The following PMM2 variants were observed in gnomAD, a reference collection of about 807,000 sequenced individuals.
PMM2 encodes mannose-6-phosphate isomerase.
Under a neutral mutation model 33.2 loss-of-function variants are expected in PMM2, and 35 were observed. The ratio of observed to expected loss-of-function variants is 1.06; its 90% CI spans 0.81 to 1.40. PMM2 has a LOEUF of 1.40. PMM2 is among the 40% of genes most tolerant of loss of function. The pLI is 0.00. For missense variants in PMM2, 386 were observed against 306.0 expected (o/e 1.26, Z -1.95); for synonymous variants, 153 against 114.7 (o/e 1.33, Z -2.13).
At position 8,805,750 on chromosome 16, in the gene PMM2, C is replaced by T. The variant is rs552862901; in HGVS notation, c.256-566C>T. On this transcript the variant is annotated intron_variant, in intron 3 of 7. Coordinates refer to ENST00000268261, the MANE Select transcript of PMM2 (RefSeq NM_000303.3). ...GATTACAGGCATCCACCAGCATGCCCGGCTCATTTTTGTATTTTTAGTAGA... is the reference window on the plus strand; with the variant it reads ...GATTACAGGCATCCACCAGCATGCCTGGCTCATTTTTGTATTTTTAGTAGA... Among the ~76,000 whole-genome samples, 30 of 152,098 alleles carry T rather than the reference C, an allele frequency of 2.0e-4. No individual in the cohort carries two copies. In the South Asian group the frequency reaches 5.0e-3, roughly 25 times the overall value.
chr16:8,834,503 T>C, intron 7 of PMM2, among the ~76,000 whole-genome samples: 1 of 151,870 alleles, frequency 6.6e-6, no homozygotes, highest in Non-Finnish European at 1.5e-5. Flanking sequence ...TAAGAGGTAT[T>C]TTAGTTACCT....
At chr16:8,846,866 A>T (rs1158325828) in intron 7 of PMM2, among the ~76,000 whole-genome samples, 1 of 151,960 alleles carries the variant, frequency 6.6e-6, no homozygotes, top group Admixed American at 6.6e-5. Flanking sequence ...ATGTGGGGCC[A>T]TTTATTTATT....
chr16:8,810,735 C>G, intron 4 of PMM2: 1 of 362,558 alleles, frequency 2.8e-6, no homozygotes, highest in South Asian at 2.2e-5. Context: ...CATAACCATG[C>G]CAGGCTATTT....
chr16:8,831,513 G>T (rs1567165916), intron 7 of PMM2, among the ~76,000 whole-genome samples: 1 of 152,148 alleles, frequency 6.6e-6, no homozygotes, highest in Admixed American at 6.5e-5. Flanking sequence ...CTCCAGCCTG[G>T]GCAAGAGTGG....
chr16:8,825,916 C>T (rs150158122), intron 7 of PMM2, among the ~76,000 whole-genome samples: 49 of 151,904 alleles, frequency 3.2e-4, no homozygotes, highest in East Asian at 3.1e-3. Context: ...CCACCACGCC[C>T]GGCTAATTTT....
chr16:8,812,291 C>T (rs746890767), intron 6 of PMM2, among the ~76,000 whole-genome samples: 1 of 152,222 alleles, frequency 6.6e-6, no homozygotes, highest in South Asian at 2.1e-4. Context: ...TCCTGCAGCA[C>T]GGACATCTCA....
At chr16:8,820,467 C>T (rs2060732164) in intron 7 of PMM2, among the ~76,000 whole-genome samples, 1 of 151,622 alleles carries the variant, frequency 6.6e-6, no homozygotes, top group East Asian at 1.9e-4. Flanking sequence ...GATCCTCCCA[C>T]TTCAGCCTCC....
chr16:8,812,832 A>G (rs2060684926), intron 6 of PMM2, among the ~76,000 whole-genome samples, 159 bp from the exon 7 acceptor site: 1 of 152,282 alleles, frequency 6.6e-6, no homozygotes, highest in African/African-American at 2.4e-5. Flanking sequence ...ATTAATTTCT[A>G]GAACCTATGC....
At chr16:8,827,748 A>ATATATATATGCACACATT (rs1555451066) in intron 7 of PMM2, among the ~76,000 whole-genome samples, 11 of 48,936 alleles carry the variant, frequency 2.2e-4, no homozygotes, top group African/African-American at 7.5e-4. Context: ...ATATATATAT[A>ATATATATATGCACACATT]TATATATATA....
chr16:8,829,192 G>C (rs2060795698), intron 7 of PMM2: 1 of 152,152 alleles, frequency 6.6e-6, no homozygotes, highest in South Asian at 2.1e-4. Context: ...CTATTAATCA[G>C]ACCCTTGCAG....
intron 7 of PMM2, among the ~76,000 whole-genome samples, chr16:8,839,184 A>G (rs550430956): frequency 6.6e-6 from 1 of 152,168 alleles, no homozygotes; most frequent in South Asian, 2.1e-4. Flanking sequence ...TGAGGGGAAC[A>G]GGGAGCTCTT....
chr16:8,802,984 A>T (rs923602445), intron 2 of PMM2, among the ~76,000 whole-genome samples: 1 of 152,146 alleles, frequency 6.6e-6, no homozygotes, highest in Non-Finnish European at 1.5e-5. Flanking sequence ...TTAGTTCTCC[A>T]TTATGAAGGC....
At chr16:8,822,257 T>C (rs1305637602) in intron 7 of PMM2, among the ~76,000 whole-genome samples, 1 of 152,188 alleles carries the variant, frequency 6.6e-6, no homozygotes, top group African/African-American at 2.4e-5. Context: ...TTGAGCCAGA[T>C]TACCTGTCTG....
At chr16:8,842,044 A>G (rs1006997877) in intron 7 of PMM2, among the ~76,000 whole-genome samples, 7 of 150,406 alleles carry the variant, frequency 4.7e-5, no homozygotes, top group African/African-American at 1.5e-4. Context: ...CTAAAACAGT[A>G]AGGTCAAGTT....
rs35148703 is a variant in PMM2 at position 8,800,665 on chromosome 16, C to CT, written c.67-1118dup. 4.7e-3 allele frequency among the ~76,000 whole-genome samples: 591 copies of CT among 126,656 alleles called. 7 individuals carry two copies. The highest frequency in any genetic ancestry group is 0.015 in the African/African-American group (536 of 35,482). The allele number at this position is 126,656 out of a possible 152,430, so 83.1% of individuals were successfully genotyped here. A position where few individuals can be genotyped will look rare whatever the true frequency, so the allele number is the denominator to read the frequency against. On this transcript the variant is annotated intron_variant, in intron 1 of 7. Coordinates refer to ENST00000268261, the MANE Select transcript of PMM2 (RefSeq NM_000303.3). ...CAATAAAATCAATTCTAAGCTTCTC[C>CT]TTTTTTTTTTTTTTTTGTTTTGTTT...
intron 7 of PMM2, among the ~76,000 whole-genome samples, chr16:8,847,409 A>G (rs60516719): frequency 4.2e-4 from 64 of 151,180 alleles, no homozygotes; most frequent in African/African-American, 1.6e-3. Flanking sequence ...GGCTGTGAGA[A>G]TACTGTCACT....
rs561831227 is a variant in PMM2 at position 8,826,164 on chromosome 16, C to T, written c.639+13058C>T. Among the ~76,000 whole-genome samples, 14 of 152,286 alleles carry T rather than the reference C, an allele frequency of 9.2e-5. No individual in the cohort carries two copies. The South Asian group carries it at 2.9e-3, about 32-fold the overall frequency. ...ATAATACCCTTTCGATTTTAGCCAGCTTGCTCACACACAGAGTTGTTCACA... is the reference window on the plus strand; with the variant it reads ...ATAATACCCTTTCGATTTTAGCCAGTTTGCTCACACACAGAGTTGTTCACA... On this transcript the variant is annotated intron_variant, in intron 7 of 7. Transcript: ENST00000268261.
At chr16:8,799,821 C>CTCCCAAAGTGCTGGGTG (rs2060602648) in intron 1 of PMM2, among the ~76,000 whole-genome samples, 1 of 152,120 alleles carries the variant, frequency 6.6e-6, no homozygotes, top group Non-Finnish European at 1.5e-5. Context: ...GCTGGGATTA[C>CTCCCAAAGTGCTGGGTG]AGGCGTGAGC....
chr16:8,834,241 A>G (rs959103712), intron 7 of PMM2, among the ~76,000 whole-genome samples: 2 of 152,214 alleles, frequency 1.3e-5, no homozygotes, highest in African/African-American at 4.8e-5. Context: ...TTTTTAAAAG[A>G]CCTTTAGTCC....
Sources: gnomAD v4.1 joint callset for allele counts (sites outside exome capture counted in the v4.1 genomes callset) on GRCh38, gnomAD v4.1.1 for gene constraint, MANE v1.5 for transcripts, NCBI Gene and HGNC (gene_info 2026-07-23, HGNC 2026-07-21) for gene names.